ASB4: variants seen among roughly 807,000 people sequenced by gnomAD.
ASB4 encodes ankyrin repeat and SOCS box protein 4.
ASB4 carries 35 observed loss-of-function variants against 38.6 expected under a neutral mutation model. The ratio of observed to expected loss-of-function variants is 0.91; its 90% CI spans 0.69 to 1.20. The LOEUF (loss-of-function observed/expected upper bound fraction) is 1.20, where lower values mean the gene tolerates loss of function less well. Among genes scored for constraint, ASB4 ranks in the 50% most tolerant of loss-of-function variants. The probability of loss-of-function intolerance (pLI) is 0.00; values close to 1 mark genes in which losing one functional copy is unlikely to be tolerated. For missense variants in ASB4, 557 were observed against 527.2 expected, an observed-to-expected ratio of 1.06 and a Z score of -0.55; for synonymous variants, 195 against 201.3, an observed-to-expected ratio of 0.97 and a Z score of 0.26.
Position 95,495,967 on chromosome 7 carries a change from C to T in ASB4, c.397C>T (p.Leu133Phe). 1 of 1,614,112 alleles carries T rather than the reference C, an allele frequency of 6.2e-7. No individual in the cohort carries two copies. The highest frequency in any genetic ancestry group is 1.1e-5 in the South Asian group (1 of 91,072). ...VKILCDRGAK[L>F]NCYSLSGHTA... ...GATCCTCTGTGATCGTGGGGCAAAGCTCAATTGCTACTCCTTAAGTGGACA... is the reference window on the plus strand; with the variant it reads ...GATCCTCTGTGATCGTGGGGCAAAGTTCAATTGCTACTCCTTAAGTGGACA... The change falls in exon 2 of 5, where the codon CTC (leucine) becomes TTC (phenylalanine). Residue 133 changes from leucine (L) to phenylalanine (F), a missense_variant. Transcript: ENST00000325885.
At chr7:95,507,629 T>C (rs1419730068) in intron 2 of ASB4, among the ~76,000 whole-genome samples, 1 of 152,192 alleles carries the variant, frequency 6.6e-6, no homozygotes, top group Non-Finnish European at 1.5e-5. Flanking sequence ...CAGAGCCCAG[T>C]GCATAGTACA....
intron 2 of ASB4, among the ~76,000 whole-genome samples, chr7:95,499,636 A>G (rs1259121025): frequency 6.6e-6 from 1 of 152,182 alleles, no homozygotes; most frequent in Non-Finnish European, 1.5e-5. Context: ...ACAATTGGTA[A>G]AAAGAAGTGA....
At chr7:95,512,222 T>C (rs1039555611) in intron 2 of ASB4, among the ~76,000 whole-genome samples, 1 of 152,172 alleles carries the variant, frequency 6.6e-6, no homozygotes, top group Admixed American at 6.5e-5. Flanking sequence ...TGCTTAAAAG[T>C]GAAGGTTCTG....
At chr7:95,521,796 A>T (rs1562819322) in intron 2 of ASB4, among the ~76,000 whole-genome samples, 1 of 151,908 alleles carries the variant, frequency 6.6e-6, no homozygotes, top group Non-Finnish European at 1.5e-5. Flanking sequence ...ATAATAGTAT[A>T]TTTTTTAAAT....
intron 1 of ASB4, among the ~76,000 whole-genome samples, chr7:95,487,567 A>G (rs1790109601): frequency 6.6e-6 from 1 of 152,198 alleles, no homozygotes; most frequent in Admixed American, 6.5e-5. Context: ...CTGAGGATAT[A>G]AGAAACCAAG....
chr7:95,524,466 A>G (rs1484076736), intron 2 of ASB4, among the ~76,000 whole-genome samples: 1 of 150,498 alleles, frequency 6.6e-6, no homozygotes, highest in East Asian at 1.9e-4. Flanking sequence ...TTGACCAAGG[A>G]TGTGATTAGA....
chr7:95,507,808 G>A (rs963072439), intron 2 of ASB4, among the ~76,000 whole-genome samples: 1 of 152,166 alleles, frequency 6.6e-6, no homozygotes, highest in African/African-American at 2.4e-5. Context: ...ATGTCAGGAA[G>A]GAGGGAGAAG....
At chr7:95,483,370 T>A (rs752256411), upstream of ASB4, among the ~76,000 whole-genome samples, 1 of 152,234 alleles carries the variant, frequency 6.6e-6, no homozygotes, top group Non-Finnish European at 1.5e-5. Context: ...TTCCTCCATG[T>A]ATCCCATATT....
intron 2 of ASB4, among the ~76,000 whole-genome samples, chr7:95,519,988 AT>A (rs1489438711): frequency 1.3e-5 from 2 of 152,250 alleles, no homozygotes; most frequent in Admixed American, 6.5e-5. Context: ...AATAAAAAAA[AT>A]CTTCATCTAA....
chr7:95,484,091 G>C (rs1255070081), upstream of ASB4, among the ~76,000 whole-genome samples: 1 of 151,790 alleles, frequency 6.6e-6, no homozygotes, highest in Non-Finnish European at 1.5e-5. Context: ...GCTTTGGATG[G>C]CTGAGGCAGG....
At chr7:95,544,733 T>G (rs1422838981), downstream of ASB4, among the ~76,000 whole-genome samples, 1 of 152,170 alleles carries the variant, frequency 6.6e-6, no homozygotes, top group Non-Finnish European at 1.5e-5. Flanking sequence ...CTCACTCTGT[T>G]GCTTAGGCTG....
intron 1 of ASB4, among the ~76,000 whole-genome samples, chr7:95,480,235 A>G (rs1790011501): frequency 6.6e-6 from 1 of 152,152 alleles, no homozygotes; most frequent in Non-Finnish European, 1.5e-5. Flanking sequence ...GTGACAAACT[A>G]TATATCTTAC....
intron 1 of ASB4, among the ~76,000 whole-genome samples, chr7:95,490,503 C>T (rs1001261933): frequency 6.6e-6 from 1 of 152,198 alleles, no homozygotes; most frequent in Admixed American, 6.5e-5. Flanking sequence ...AATACATGGA[C>T]ACAGGCAGAG....
chr7:95,476,679 C>A (rs1789980678), upstream of ASB4, among the ~76,000 whole-genome samples: 1 of 152,198 alleles, frequency 6.6e-6, no homozygotes, highest in African/African-American at 2.4e-5. Context: ...AAATCACACT[C>A]TGGTCTTATA....
intron 3 of ASB4, among the ~76,000 whole-genome samples, chr7:95,529,138 G>C (rs1476865880): frequency 6.6e-6 from 1 of 152,190 alleles, no homozygotes; most frequent in Non-Finnish European, 1.5e-5. Flanking sequence ...TTAATATGCT[G>C]TGGTAAATGA....
chr7:95,537,559 C>T lies in ASB4; in HGVS notation c.1093-12C>T. 1 of 1,582,418 alleles carries T rather than the reference C, an allele frequency of 6.3e-7. No homozygotes were observed. Among genetic ancestry groups the T allele is most frequent in the Non-Finnish European group, 8.6e-7 (1 of 1,162,022 alleles). On this transcript the variant is annotated splice_polypyrimidine_tract_variant and intron_variant, in intron 4 of 4. Transcript: ENST00000325885. ...CCTTGCTAACTTTAATTTGTCTTGC[C>T]TTCCTTTTCAGAAATACTGGGATTT...
the ASB4 span, among the ~76,000 whole-genome samples, chr7:95,470,755 A>C: frequency 6.6e-6 from 1 of 152,176 alleles, no homozygotes; most frequent in Non-Finnish European, 1.5e-5. Context: ...TGGTTTCATA[A>C]TAGGACTTTT....
At chr7:95,548,651 A>G in the ASB4 span, among the ~76,000 whole-genome samples, 1 of 152,240 alleles carries the variant, frequency 6.6e-6, no homozygotes, top group East Asian at 1.9e-4. Context: ...TATGTTAATC[A>G]AGGTCTAGTT....
chr7:95,496,142 A>G, intron 2 of ASB4, 85 bp downstream of exon 2: 1 of 1,307,138 alleles, frequency 7.7e-7, no homozygotes, highest in Admixed American at 1.9e-5. Context: ...ACCCCAGATG[A>G]TGTAGTAAGC....
Sources: gnomAD v4.1 joint callset for allele counts (sites outside exome capture counted in the v4.1 genomes callset) on GRCh38, gnomAD v4.1.1 for gene constraint, MANE v1.5 for transcripts, NCBI Gene and HGNC (gene_info 2026-07-23, HGNC 2026-07-21) for gene names.